Variants in NBEA observed in about 807,000 individuals in gnomAD.
The protein encoded by NBEA is lysosomal-trafficking regulator 2.
NBEA carries 44 observed loss-of-function variants against 343.4 expected under a neutral mutation model. The ratio of observed to expected loss-of-function variants is 0.13; its 90% CI spans 0.10 to 0.16. The LOEUF is 0.16. Among genes scored for constraint, NBEA ranks in the 10% least tolerant of loss-of-function variants. NBEA has a pLI of 1.00. For missense variants in NBEA, 2,555 were observed against 3,631.3 expected (o/e 0.70, Z 7.62); for synonymous variants, 1,175 against 1,238.7 (o/e 0.95, Z 1.08).
intron 8 of NBEA, among the ~76,000 whole-genome samples, chr13:35,062,359 A>G (rs949896579): frequency 6.6e-6 from 1 of 151,800 alleles, no homozygotes; most frequent in African/African-American, 2.4e-5. Flanking sequence ...ATAGAACCCT[A>G]GAGATGGATG....
In NBEA at chr13:35,171,257, T is replaced by C; in HGVS notation, c.4243-15T>C. ...CAAATTTTAAACAAGACTTAAATCT[T>C]CTACTTTTTTAAAGACGGAATTGGA... On this transcript the variant is annotated splice_polypyrimidine_tract_variant and intron_variant, in intron 25 of 58. Transcript: ENST00000379939. 2 of 1,604,706 alleles carry C rather than the reference T, an allele frequency of 1.2e-6. No individual in the cohort carries two copies. Among genetic ancestry groups the C allele is most frequent in the South Asian group, 1.1e-5 (1 of 90,228 alleles).
intron 18 of NBEA, among the ~76,000 whole-genome samples, chr13:35,144,066 A>G (rs944646216): frequency 3.3e-5 from 5 of 152,278 alleles, no homozygotes; most frequent in Non-Finnish European, 4.4e-5. Flanking sequence ...GATGTGTTCA[A>G]TTATATGAAA....
chr13:35,592,376 G>A (rs1312589170), intron 46 of NBEA, among the ~76,000 whole-genome samples: 1 of 152,048 alleles, frequency 6.6e-6, no homozygotes, highest in Non-Finnish European at 1.5e-5. Flanking sequence ...AGGTAGATAC[G>A]GAACCTACTC....
intron 38 of NBEA, among the ~76,000 whole-genome samples, chr13:35,416,725 T>G (rs1396405427): frequency 6.6e-6 from 1 of 152,194 alleles, no homozygotes; most frequent in Non-Finnish European, 1.5e-5. Context: ...CTGCCAGGCT[T>G]TAGTATCAGG....
rs570192923 is a variant in NBEA at position 35,177,909 on chromosome 13, A to T, written c.4662+806A>T. 4.6e-5 allele frequency among the ~76,000 whole-genome samples: 7 copies of T among 151,908 alleles called. No homozygotes were observed. The East Asian group carries it at 1.2e-3, about 25-fold the overall frequency. On this transcript the variant is annotated intron_variant, in intron 28 of 58. Transcript: ENST00000379939. ...CTTTGTACTTTAGAACATGATTAAA[A>T]TATATTTAGGTTATATAACATAATG...
chr13:35,295,402 G>A (rs936338359), intron 35 of NBEA, among the ~76,000 whole-genome samples: 4 of 151,700 alleles, frequency 2.6e-5, no homozygotes, highest in African/African-American at 4.8e-5. Context: ...TTCTCTAGAC[G>A]GTGGGTGACC....
chr13:35,174,665 C>T (rs1462369468), intron 27 of NBEA, among the ~76,000 whole-genome samples: 1 of 151,976 alleles, frequency 6.6e-6, no homozygotes, highest in Non-Finnish European at 1.5e-5. Context: ...CCATAGTGCT[C>T]TTATTTGGTT....
Position 35,655,762 on chromosome 13 carries a change from A to T in NBEA, c.8362+13A>T, listed in dbSNP as rs1284882089. ...AACCCTAACAGCAGTGAGTGTTTGT[A>T]TCAAATTTGTCCTATCAAACTATAG... On this transcript the variant is annotated intron_variant, in intron 55 of 58. Transcript: ENST00000379939. 6.2e-7 allele frequency: 1 copy of T among 1,602,016 alleles called. No individual in the cohort carries two copies. Among genetic ancestry groups the T allele is most frequent in the Non-Finnish European group, 8.5e-7 (1 of 1,173,798 alleles).
chr13:35,129,016 C>T (rs1337077556), intron 17 of NBEA, among the ~76,000 whole-genome samples: 1 of 134,434 alleles, frequency 7.4e-6, no homozygotes, highest in East Asian at 2.2e-4. Context: ...CACATGTTCT[C>T]ACTCATAGGT....
intron 15 of NBEA, 42 bp from the exon 16 acceptor site, chr13:35,118,335 C>T: frequency 6.4e-7 from 1 of 1,571,906 alleles, no homozygotes; most frequent in Non-Finnish European, 8.7e-7. Flanking sequence ...TTAAGCCAAT[C>T]TTTAGAGTAA....
intron 34 of NBEA, among the ~76,000 whole-genome samples, chr13:35,256,955 C>T (rs1265110417): frequency 1.3e-5 from 2 of 152,212 alleles, no homozygotes; most frequent in Non-Finnish European, 2.9e-5. Context: ...CCTGCCCTGC[C>T]AACTCAATAG....
At chr13:35,368,571 A>T (rs2041256190) in intron 38 of NBEA, among the ~76,000 whole-genome samples, 1 of 151,634 alleles carries the variant, frequency 6.6e-6, no homozygotes, top group Admixed American at 6.6e-5. Context: ...ATTTGTTTTT[A>T]TTTCATTTAT....
At chr13:35,036,088 G>A (rs917970789) in intron 1 of NBEA, among the ~76,000 whole-genome samples, 1 of 151,406 alleles carries the variant, frequency 6.6e-6, no homozygotes, top group African/African-American at 2.4e-5. Context: ...CTTCTTTCTT[G>A]CATTTCTGTC....
At chr13:35,090,557 G>A (rs2152626779) in intron 10 of NBEA, among the ~76,000 whole-genome samples, 1 of 151,978 alleles carries the variant, frequency 6.6e-6, no homozygotes, top group Non-Finnish European at 1.5e-5. Flanking sequence ...GGGATGTGGT[G>A]GCATAGCAGT....
chr13:35,314,752 TATG>T (rs2037607013), intron 36 of NBEA, among the ~76,000 whole-genome samples: 1 of 152,198 alleles, frequency 6.6e-6, no homozygotes, highest in Admixed American at 6.6e-5. Flanking sequence ...AAATAATATA[TATG>T]ATATTTATTA....
intron 36 of NBEA, among the ~76,000 whole-genome samples, chr13:35,338,391 T>G (rs2039392743): frequency 6.6e-6 from 1 of 152,032 alleles, no homozygotes; most frequent in Non-Finnish European, 1.5e-5. Context: ...TAACTAACAC[T>G]AAACTAAAAC....
intron 2 of NBEA, among the ~76,000 whole-genome samples, chr13:35,042,499 A>G (rs1593558536): frequency 6.6e-6 from 1 of 151,510 alleles, no homozygotes; most frequent in African/African-American, 2.4e-5. Flanking sequence ...ATTGGCTGCT[A>G]CTCTATGGAG....
chr13:35,599,978 A>C (rs1322015122), intron 47 of NBEA, among the ~76,000 whole-genome samples: 1 of 152,228 alleles, frequency 6.6e-6, no homozygotes. Context: ...AAATAACCAT[A>C]TTCAGAAAAT....
At chr13:35,544,533 T>G (rs1193471808) in intron 41 of NBEA, among the ~76,000 whole-genome samples, 1 of 152,236 alleles carries the variant, frequency 6.6e-6, no homozygotes, top group Non-Finnish European at 1.5e-5. Context: ...GATCATCAGA[T>G]AATATGTGGT....
Sources: gnomAD v4.1 joint callset for allele counts (sites outside exome capture counted in the v4.1 genomes callset) on GRCh38, gnomAD v4.1.1 for gene constraint, MANE v1.5 for transcripts, NCBI Gene and HGNC (gene_info 2026-07-23, HGNC 2026-07-21) for gene names.